EPS8: variants seen among roughly 807,000 people sequenced by gnomAD.
EPS8 encodes the protein epidermal growth factor receptor kinase substrate 8.
EPS8 carries 42 observed loss-of-function variants against 103.8 expected under a neutral mutation model. The ratio of observed to expected loss-of-function variants is 0.40; its 90% CI spans 0.32 to 0.52. The LOEUF is 0.52. Ranked by LOEUF, EPS8 falls within the 20% of genes least tolerant of loss-of-function variation. The probability of loss-of-function intolerance (pLI) is 0.40; values close to 1 mark genes in which losing one functional copy is unlikely to be tolerated. For missense variants in EPS8, 969 were observed against 1,005.1 expected (o/e 0.96, Z 0.49); for synonymous variants, 344 against 344.6 (o/e 1.00, Z 0.02).
intron 10 of EPS8, 106 bp downstream of exon 10, chr12:15,660,508 C>T: frequency 2.8e-6 from 2 of 717,018 alleles, no homozygotes; most frequent in African/African-American, 1.8e-5. Context: ...AGATGATACA[C>T]CCGCCTCGGC....
At chr12:15,670,063 G>C (rs559009306) in intron 4 of EPS8, among the ~76,000 whole-genome samples, 1 of 152,086 alleles carries the variant, frequency 6.6e-6, no homozygotes, top group Non-Finnish European at 1.5e-5. Context: ...GTTTCATACG[G>C]AGCCATGTTG....
At position 15,684,751 on chromosome 12, in the gene EPS8, C is replaced by A. The variant is rs998209079; in HGVS notation, c.-21-1779G>T. Among the ~76,000 whole-genome samples the A allele has an allele frequency of 1.3e-5, 2 of 152,168 alleles. No homozygotes were observed. The highest frequency in any genetic ancestry group is 4.8e-5 in the African/African-American group (2 of 41,426). On this transcript the variant is annotated intron_variant, in intron 1 of 20. Transcript: ENST00000281172. The surrounding 1 kb of genome is among the most constrained non-coding windows in gnomAD (Gnocchi z 4.9). ...TTCTTAAAAAAATGGGTAAGAATGGCCCTCAAAACACTGGACTTTAATTTA... is the reference window on the plus strand; with the variant it reads ...TTCTTAAAAAAATGGGTAAGAATGGACCTCAAAACACTGGACTTTAATTTA...
In EPS8 at chr12:15,623,196, C is replaced by A. The variant is rs1387715504; in HGVS notation, c.2317G>T (p.Val773Phe). 2.5e-6 allele frequency: 4 copies of A among 1,612,978 alleles called. No individual in the cohort carries two copies. Among genetic ancestry groups the A allele is most frequent in the Non-Finnish European group, 3.4e-6 (4 of 1,179,576 alleles). Residue 773 changes from valine (V) to phenylalanine (F), a missense_variant, in exon 20 of 21, where the codon GTC (valine) becomes TTC (phenylalanine). Coordinates refer to ENST00000281172, the MANE Select transcript of EPS8 (RefSeq NM_004447.6). Reference sequence around the variant, plus strand: ...TTTTGTACAGTGATTTGGCTATAGACTCTCGCCCCTTCAGGGCAGACTGTC... The same window carrying A: ...TTTTGTACAGTGATTTGGCTATAGAATCTCGCCCCTTCAGGGCAGACTGTC... Reference protein sequence around the residue: ...LRTVCPEGARVYSQITVQKAA... With the variant: ...LRTVCPEGARFYSQITVQKAA...
At position 15,632,938 on chromosome 12, in the gene EPS8, A is replaced by T. The variant is rs78488786; in HGVS notation, c.1822-1274T>A. 6.7e-3 allele frequency among the ~76,000 whole-genome samples: 1,016 copies of T among 152,230 alleles called. 11 individuals are homozygous for T. The highest frequency in any genetic ancestry group is 0.037 in the Middle Eastern group (11 of 294). On this transcript the variant is annotated intron_variant, in intron 17 of 20. Transcript: ENST00000281172. ...CTGACCAGTGGGATGGGGTCAAGGAAGTGGGAAGCGTATTATGAAAGGATG... is the reference window on the plus strand; with the variant it reads ...CTGACCAGTGGGATGGGGTCAAGGATGTGGGAAGCGTATTATGAAAGGATG...
chr12:15,752,012 G>A lies in EPS8; in HGVS notation c.-22+37149C>T, dbSNP rs550575840. Among the ~76,000 whole-genome samples the A allele has an allele frequency of 1.3e-5, 2 of 152,312 alleles. No individual in the cohort carries two copies. The highest frequency in any genetic ancestry group is 2.1e-4 in the South Asian group (1 of 4,824). Reference sequence around the variant, plus strand: ...GGCAAAGTGCCAATACAGGAAATCAGTGACTGGATTTGAGGTATAGTTGAG... The same window carrying A: ...GGCAAAGTGCCAATACAGGAAATCAATGACTGGATTTGAGGTATAGTTGAG... On this transcript the variant is annotated intron_variant, in intron 1 of 20. Transcript: ENST00000281172. This position sits in a 1 kb window ranked among gnomAD's most constrained non-coding sequence, Gnocchi z 4.4.
intron 1 of EPS8, chr12:15,683,680 A>G (rs1018806157): frequency 3.3e-5 from 5 of 152,208 alleles, no homozygotes; most frequent in African/African-American, 1.2e-4. Context: ...TATTTTACAG[A>G]TTGAACAAAC....
chr12:15,746,717 C>T (rs1027184702), intron 1 of EPS8, among the ~76,000 whole-genome samples: 1 of 152,110 alleles, frequency 6.6e-6, no homozygotes, highest in Non-Finnish European at 1.5e-5. Flanking sequence ...GGTTTCCTTA[C>T]CTGAAAAGCA....
rs903727403 is a variant in EPS8, at chr12:15,697,025, T to C, written c.-21-14053A>G. Among the ~76,000 whole-genome samples, 2 of 152,094 alleles carry C rather than the reference T, an allele frequency of 1.3e-5. No individual in the cohort carries two copies. Among genetic ancestry groups the C allele is most frequent in the African/African-American group, 4.8e-5 (2 of 41,432 alleles). On this transcript the variant is annotated intron_variant, in intron 1 of 20. Transcript: ENST00000281172. The surrounding 1 kb of genome is among the most constrained non-coding windows in gnomAD (Gnocchi z 5.6). ...AAGAAGAGGAGATTTGAAGAGGGAA[T>C]TATCGTAAGGCCAGCATTTGCATTT...
At position 15,697,430 on chromosome 12, in the gene EPS8, C is replaced by T. The variant is rs1448191211; in HGVS notation, c.-21-14458G>A. On this transcript the variant is annotated intron_variant, in intron 1 of 20. Coordinates refer to ENST00000281172, the MANE Select transcript of EPS8 (RefSeq NM_004447.6). The surrounding 1 kb of genome is among the most constrained non-coding windows in gnomAD (Gnocchi z 5.6). The stretch of plus-strand genomic sequence containing the variant: ...GGCAATGGCTCACATCTAGAAAACA[C>T]GGCATAGCAGGCACTGCTTTACATG... 6.6e-6 allele frequency among the ~76,000 whole-genome samples: 1 copy of T among 152,218 alleles called. No homozygotes were observed. Among genetic ancestry groups the T allele is most frequent in the Non-Finnish European group, 1.5e-5 (1 of 68,042 alleles).
chr12:15,775,891 C>T (rs1160837563), intron 1 of EPS8, among the ~76,000 whole-genome samples: 1 of 152,096 alleles, frequency 6.6e-6, no homozygotes, highest in African/African-American at 2.4e-5. Context: ...ACTGTTAGAT[C>T]AAGAAACTAG....
intron 8 of EPS8, 59 bp from the exon 9 acceptor site, chr12:15,662,158 C>T: frequency 6.4e-7 from 1 of 1,561,894 alleles, no homozygotes; most frequent in East Asian, 2.2e-5. Flanking sequence ...CCAATACAGA[C>T]AATTAAAACA....
chr12:15,703,739 G>A (rs2135942210), intron 1 of EPS8, among the ~76,000 whole-genome samples: 1 of 150,096 alleles, frequency 6.7e-6, no homozygotes, highest in East Asian at 1.9e-4. Context: ...CTAGATCAGA[G>A]AACGAAGTTG....
chr12:15,704,057 T>C lies in EPS8; in HGVS notation c.-21-21085A>G, dbSNP rs1212185977. On this transcript the variant is annotated intron_variant, in intron 1 of 20. Transcript: ENST00000281172. The surrounding 1 kb of genome is among the most constrained non-coding windows in gnomAD (Gnocchi z 4.6). ...GCTATCTTCATCCTATTTTAGAAAG[T>C]TCATTGTAAAATTCCAAAGACTGTA... Among the ~76,000 whole-genome samples the C allele has an allele frequency of 6.6e-6, 1 of 152,130 alleles. No homozygotes were observed. The highest frequency in any genetic ancestry group is 6.6e-5 in the Admixed American group (1 of 15,264).
At chr12:15,661,919 T>A (rs1367247580) in intron 9 of EPS8, 107 bp downstream of exon 9, 2 of 807,598 alleles carry the variant, frequency 2.5e-6, no homozygotes, top group Admixed American at 2.2e-5. Flanking sequence ...ACAGAAAACA[T>A]GGTTTCCATA....
At chr12:15,657,243 T>C (rs1476450744) in intron 12 of EPS8, among the ~76,000 whole-genome samples, 2 of 152,214 alleles carry the variant, frequency 1.3e-5, no homozygotes, top group East Asian at 3.8e-4. Context: ...ATTCTTCGTC[T>C]GGAATTCTCT....
intron 1 of EPS8, among the ~76,000 whole-genome samples, chr12:15,691,857 A>G (rs1354386701): frequency 6.6e-6 from 1 of 151,670 alleles, no homozygotes; most frequent in East Asian, 1.9e-4. Context: ...TTTCCCCCCA[A>G]CTCTTAGTGA....
chr12:15,674,093 T>G (rs986833533), intron 3 of EPS8, among the ~76,000 whole-genome samples: 1 of 152,230 alleles, frequency 6.6e-6, no homozygotes, highest in Non-Finnish European at 1.5e-5. Context: ...AGGTTTCATT[T>G]AATTTGTTAA....
rs1305222631 is a variant in EPS8, at chr12:15,759,748, T to C, written c.-22+29413A>G. Reference sequence around the variant, plus strand: ...GTCAATGAAGAAACTAAGAAGGAAATTGAAGAATTTCTTGAAACAAATGAT... The same window carrying C: ...GTCAATGAAGAAACTAAGAAGGAAACTGAAGAATTTCTTGAAACAAATGAT... On this transcript the variant is annotated intron_variant, in intron 1 of 20. Coordinates refer to ENST00000281172, the MANE Select transcript of EPS8 (RefSeq NM_004447.6). The surrounding 1 kb of genome is among the most constrained non-coding windows in gnomAD (Gnocchi z 4.9). Among the ~76,000 whole-genome samples the C allele has an allele frequency of 1.3e-4, 19 of 151,914 alleles. No individual in the cohort carries two copies. The highest frequency in any genetic ancestry group is 1.2e-3 in the Admixed American group (19 of 15,272).
rs567922003 is a variant in EPS8 at position 15,683,003 on chromosome 12, C to T, written c.-21-31G>A. On this transcript the variant is annotated intron_variant, in intron 1 of 20. Coordinates refer to ENST00000281172, the MANE Select transcript of EPS8 (RefSeq NM_004447.6). The stretch of plus-strand genomic sequence containing the variant: ...AAAAGAAAGACACATAGATTAAAGG[C>T]AATAAAAAGGTCAAGACATCTCAGT... The T allele has an allele frequency of 6.5e-6, 8 of 1,225,904 alleles. No individual in the cohort carries two copies. In the South Asian group the frequency reaches 6.8e-5, roughly 10 times the overall value. 75.9% of individuals were successfully genotyped at this position (1,225,904 alleles called of 1,614,324 possible).
Sources: allele counts gnomAD v4.1 joint callset (sites outside exome capture counted in the v4.1 genomes callset), GRCh38; gene constraint gnomAD v4.1.1; non-coding constraint Gnocchi (gnomAD v3.1); transcripts MANE v1.5; gene names NCBI Gene and HGNC (gene_info 2026-07-23, HGNC 2026-07-21).